TMEM108: variants seen among roughly 807,000 people sequenced by gnomAD.
The protein encoded by TMEM108 is cancer/testis antigen 124.
A neutral mutation model predicts 35.1 loss-of-function variants in TMEM108; 12 were observed. That is an observed-to-expected ratio of 0.34 (90% CI 0.22 to 0.55). The LOEUF (loss-of-function observed/expected upper bound fraction) is 0.55. Ranked by LOEUF, TMEM108 falls within the 20% of genes least tolerant of loss-of-function variation. The pLI is 0.89. For synonymous variants in TMEM108, 287 were observed against 308.6 expected, an observed-to-expected ratio of 0.93 and a Z score of 0.73; for missense variants, 680 against 753.3, an observed-to-expected ratio of 0.90 and a Z score of 1.14.
chr3:133,376,388 G>A (rs961371629), intron 3 of TMEM108, among the ~76,000 whole-genome samples: 4 of 152,124 alleles, frequency 2.6e-5, no homozygotes, highest in East Asian at 3.9e-4. Context: ...CTTGGTCTCC[G>A]GTCTTTTATT....
At chr3:133,296,914 C>G (rs146980981) in intron 3 of TMEM108, among the ~76,000 whole-genome samples, 1 of 152,220 alleles carries the variant, frequency 6.6e-6, no homozygotes, top group Non-Finnish European at 1.5e-5. Flanking sequence ...AGAATGATAG[C>G]CCCCCTAGTG....
At chr3:133,334,294 A>G (rs1358753022) in intron 3 of TMEM108, among the ~76,000 whole-genome samples, 1 of 152,194 alleles carries the variant, frequency 6.6e-6, no homozygotes, top group Non-Finnish European at 1.5e-5. Context: ...AGCCAAATTG[A>G]GGAGACACTT....
chr3:133,365,724 T>C (rs2072484092), intron 3 of TMEM108, among the ~76,000 whole-genome samples: 1 of 152,150 alleles, frequency 6.6e-6, no homozygotes, highest in African/African-American at 2.4e-5. Flanking sequence ...TTGGTCTTAT[T>C]TTCTTGGGCT....
chr3:133,204,394 G>A (rs140595121), intron 2 of TMEM108, among the ~76,000 whole-genome samples: 65 of 152,114 alleles, frequency 4.3e-4, no homozygotes, highest in African/African-American at 1.5e-3. Flanking sequence ...TGTGATGATA[G>A]GGTGTCAATT....
intron 3 of TMEM108, among the ~76,000 whole-genome samples, chr3:133,249,921 T>G (rs1167715624): frequency 1.3e-5 from 2 of 152,172 alleles, no homozygotes; most frequent in Non-Finnish European, 2.9e-5. Context: ...AAAGGAAATT[T>G]CAGTTTATGA....
rs200410919 is a variant in TMEM108, at chr3:133,380,252, C to T, written c.541C>T (p.Arg181Cys). The change falls in exon 4 of 6, where the codon CGC (arginine) becomes TGC (cysteine). Residue 181 changes from arginine (R) to cysteine (C), a missense_variant. Around this residue, in one of 3 missense-constraint regions of TMEM108, gnomAD observed 526 missense variants for 532.1 expected, o/e 0.99. Transcript: ENST00000321871. This position sits in a 1 kb window ranked among gnomAD's most constrained non-coding sequence, Gnocchi z 5.3. ...SSRKGAGNSS[R>C]PVPPAPGGHS... ...CCGAAAAGGGGCTGGTAATTCATCA[C>T]GCCCTGTCCCGCCTGCACCTGGTGG... 60 of 1,613,932 alleles carry T rather than the reference C, an allele frequency of 3.7e-5. No individual in the cohort carries two copies. Among genetic ancestry groups the T allele is most frequent in the Middle Eastern group, 3.3e-4 (2 of 6,062 alleles).
At position 133,114,285 on chromosome 3, in the gene TMEM108, T is replaced by C. The variant is rs1442175233; in HGVS notation, c.-47+68265T>C. On this transcript the variant is annotated intron_variant, in intron 2 of 5. Coordinates refer to ENST00000321871, the MANE Select transcript of TMEM108 (RefSeq NM_023943.4). ...AGCATGTAGGAAATTTTGTTTTAAT[T>C]CTAGATTTAGGTATCAACTATAAAA... Among the ~76,000 whole-genome samples, 3 of 152,164 alleles carry C rather than the reference T, an allele frequency of 2.0e-5. No individual in the cohort carries two copies. The East Asian group carries it at 5.8e-4, about 29-fold the overall frequency.
At chr3:133,181,290 C>T (rs751035647) in intron 2 of TMEM108, among the ~76,000 whole-genome samples, 1 of 151,978 alleles carries the variant, frequency 6.6e-6, no homozygotes, top group Non-Finnish European at 1.5e-5. Flanking sequence ...TTACCTATGC[C>T]CCATTACTCC....
chr3:133,089,529 G>A (rs191674694), intron 2 of TMEM108, among the ~76,000 whole-genome samples: 1 of 152,232 alleles, frequency 6.6e-6, no homozygotes, highest in Admixed American at 6.5e-5. Flanking sequence ...GTGCTCTATG[G>A]GCAGGTGAGT....
chr3:133,140,311 C>T (rs1471255218), intron 2 of TMEM108, among the ~76,000 whole-genome samples: 1 of 152,152 alleles, frequency 6.6e-6, no homozygotes, highest in Non-Finnish European at 1.5e-5. Context: ...CTTCTATTAT[C>T]TCCTACGAGC....
chr3:133,259,524 G>A (rs1482726263), intron 3 of TMEM108, among the ~76,000 whole-genome samples: 1 of 152,186 alleles, frequency 6.6e-6, no homozygotes, highest in African/African-American at 2.4e-5. Flanking sequence ...ACTCAATAAG[G>A]TTAAATAATA....
At chr3:133,358,190 G>A in intron 3 of TMEM108, among the ~76,000 whole-genome samples, 1 of 146,766 alleles carries the variant, frequency 6.8e-6, no homozygotes, top group South Asian at 2.2e-4. Flanking sequence ...TTTTCCTTTT[G>A]AGATGAAGTC....
In TMEM108 at chr3:133,205,360, T is replaced by C. The variant is rs190709857; in HGVS notation, c.-46-23906T>C. ...ATCCTGCCATTATGGTGCTAGCTGG[T>C]TATTTTGCCCATTAGTTGATGCAGT... is the stretch of plus-strand genomic sequence containing the variant. On this transcript the variant is annotated intron_variant, in intron 2 of 5. Transcript: ENST00000321871. 2.4e-3 allele frequency among the ~76,000 whole-genome samples: 373 copies of C among 152,276 alleles called. 6 individuals are homozygous for C. Among genetic ancestry groups the C allele is most frequent in the African/African-American group, 8.7e-3 (360 of 41,566 alleles).
At chr3:133,123,360 G>T (rs1944377049) in intron 2 of TMEM108, among the ~76,000 whole-genome samples, 1 of 152,170 alleles carries the variant, frequency 6.6e-6, no homozygotes, top group Non-Finnish European at 1.5e-5. Context: ...CAAGGCAAGG[G>T]AATTACTGGT....
At chr3:133,073,711 T>A (rs1485998470) in intron 2 of TMEM108, among the ~76,000 whole-genome samples, 1 of 151,610 alleles carries the variant, frequency 6.6e-6, no homozygotes, top group African/African-American at 2.4e-5. Context: ...GGTAGTTCTA[T>A]TTTAATTTTT....
chr3:133,371,709 A>G (rs2072682787), intron 3 of TMEM108, among the ~76,000 whole-genome samples: 1 of 151,724 alleles, frequency 6.6e-6, no homozygotes, highest in Non-Finnish European at 1.5e-5. Context: ...ACATTTAGGA[A>G]GAGTAAGCAC....
chr3:133,058,353 AC>A (rs1184427993), intron 2 of TMEM108, among the ~76,000 whole-genome samples: 3 of 152,156 alleles, frequency 2.0e-5, no homozygotes, highest in Non-Finnish European at 2.9e-5. Flanking sequence ...GATTGACAGC[AC>A]CTCTAAGGGT....
At chr3:133,332,836 C>A (rs1483342541) in intron 3 of TMEM108, among the ~76,000 whole-genome samples, 2 of 152,204 alleles carry the variant, frequency 1.3e-5, no homozygotes, top group Non-Finnish European at 2.9e-5. Flanking sequence ...GTGTTACTTT[C>A]ACAAACTATT....
At chr3:133,094,007 G>C (rs1355681523) in intron 2 of TMEM108, among the ~76,000 whole-genome samples, 1 of 152,112 alleles carries the variant, frequency 6.6e-6, no homozygotes, top group Non-Finnish European at 1.5e-5. Flanking sequence ...GATTAACAAG[G>C]CCTGAGGAAC....
Sources: allele counts gnomAD v4.1 joint callset (sites outside exome capture counted in the v4.1 genomes callset), GRCh38; gene constraint gnomAD v4.1.1; regional missense constraint gnomAD v4.1.1; non-coding constraint Gnocchi (gnomAD v3.1); transcripts MANE v1.5; gene names NCBI Gene and HGNC (gene_info 2026-07-23, HGNC 2026-07-21).